The following PRKN variants were observed in gnomAD, a reference collection of about 807,000 sequenced individuals.
The protein encoded by PRKN is parkin RBR E3 ubiquitin protein ligase.
In PRKN, 56 loss-of-function variants were observed where a neutral mutation model predicts 59.5. That is an observed-to-expected ratio of 0.94 (90% CI 0.76 to 1.18). The LOEUF (loss-of-function observed/expected upper bound fraction) is 1.18, where lower values mean the gene tolerates loss of function less well. PRKN is among the 50% of genes most tolerant of loss of function. The pLI, the probability that PRKN is intolerant of heterozygous loss-of-function variation, is 0.00. For synonymous variants in PRKN, 250 were observed against 222.1 expected, an observed-to-expected ratio of 1.13 and a Z score of -1.12; for missense variants, 657 against 596.4, an observed-to-expected ratio of 1.10 and a Z score of -1.06.
intron 9 of PRKN, among the ~76,000 whole-genome samples, chr6:161,534,954 A>C (rs1476394668): frequency 6.6e-6 from 1 of 152,232 alleles, no homozygotes; most frequent in East Asian, 1.9e-4. Flanking sequence ...TAGAAATGTA[A>C]ATCAGAAGCT....
chr6:162,137,810 G>T (rs968161345), intron 4 of PRKN, among the ~76,000 whole-genome samples: 1 of 152,268 alleles, frequency 6.6e-6, no homozygotes, highest in Non-Finnish European at 1.5e-5. Context: ...CCTCTTAAAG[G>T]TCCCATCTCT....
intron 6 of PRKN, among the ~76,000 whole-genome samples, chr6:161,960,148 A>G (rs1393459423): frequency 6.6e-6 from 1 of 152,192 alleles, no homozygotes; most frequent in Non-Finnish European, 1.5e-5. Context: ...TGGTGCCACC[A>G]CACTGGAAAA....
At chr6:161,522,410 C>G (rs1427459779) in intron 9 of PRKN, among the ~76,000 whole-genome samples, 3 of 152,168 alleles carry the variant, frequency 2.0e-5, no homozygotes, top group Non-Finnish European at 4.4e-5. Context: ...CCAACATCAC[C>G]TCTGATGGTT....
At chr6:162,195,132 A>C (rs1311654911) in intron 4 of PRKN, among the ~76,000 whole-genome samples, 4 of 152,234 alleles carry the variant, frequency 2.6e-5, no homozygotes, top group Non-Finnish European at 5.9e-5. Context: ...AACGCGATGC[A>C]AAACAGAATG....
intron 2 of PRKN, among the ~76,000 whole-genome samples, chr6:162,303,311 C>T (rs1039346286): frequency 4.6e-5 from 7 of 152,114 alleles, no homozygotes; most frequent in African/African-American, 1.2e-4. Context: ...TTTTGCCTCA[C>T]CTAAGACAGC....
chr6:162,714,518 T>C (rs1027491224), intron 1 of PRKN, among the ~76,000 whole-genome samples: 5 of 152,294 alleles, frequency 3.3e-5, no homozygotes, highest in Admixed American at 3.3e-4. Flanking sequence ...TTTGGCATTA[T>C]AAATACCCCC....
At position 161,499,764 on chromosome 6, in the gene PRKN, T is replaced by C. The variant is rs919321294; in HGVS notation, c.1083+49090A>G. On this transcript the variant is annotated intron_variant, in intron 9 of 11. Coordinates refer to ENST00000366898, the MANE Select transcript of PRKN (RefSeq NM_004562.3). The surrounding 1 kb of genome is among the most constrained non-coding windows in gnomAD (Gnocchi z 4.2). Reference sequence around the variant, plus strand: ...GCTCTGTGGCTGAGGTCATCATATATTCAGAACCAAGTTCTACGAATGGGT... The same window carrying C: ...GCTCTGTGGCTGAGGTCATCATATACTCAGAACCAAGTTCTACGAATGGGT... Among the ~76,000 whole-genome samples, 2 of 152,118 alleles carry C rather than the reference T, an allele frequency of 1.3e-5. No individual in the cohort carries two copies. Among genetic ancestry groups the C allele is most frequent in the African/African-American group, 4.8e-5 (2 of 41,368 alleles).
intron 9 of PRKN, among the ~76,000 whole-genome samples, chr6:161,496,394 G>C (rs1777749156): frequency 6.6e-6 from 1 of 152,240 alleles, no homozygotes; most frequent in African/African-American, 2.4e-5. Flanking sequence ...TGCTAATAAA[G>C]ACATACTCGA....
intron 6 of PRKN, among the ~76,000 whole-genome samples, chr6:161,892,422 G>T (rs1184357966): frequency 6.8e-6 from 1 of 147,076 alleles, no homozygotes; most frequent in Non-Finnish European, 1.5e-5. Flanking sequence ...AAATAAATAA[G>T]ATTAGTTGGG....
chr6:162,449,285 T>C (rs930479239), intron 1 of PRKN, among the ~76,000 whole-genome samples: 1 of 152,204 alleles, frequency 6.6e-6, no homozygotes, highest in African/African-American at 2.4e-5. Flanking sequence ...ACACCTGTCT[T>C]AGTGCTTTGC....
chr6:162,497,080 T>C (rs1380170024), intron 1 of PRKN, among the ~76,000 whole-genome samples: 4 of 152,248 alleles, frequency 2.6e-5, no homozygotes, highest in African/African-American at 9.6e-5. Context: ...ATTGTATAAA[T>C]TCTGAATCAG....
Position 162,119,611 on chromosome 6 carries a change from C to T in PRKN, c.535-65437G>A, listed in dbSNP as rs903361876. 9.2e-5 allele frequency among the ~76,000 whole-genome samples: 14 copies of T among 152,202 alleles called. No homozygotes were observed. The East Asian group carries it at 2.3e-3, about 25-fold the overall frequency. On this transcript the variant is annotated intron_variant, in intron 4 of 11. Transcript: ENST00000366898. ...AAGTTCCCCAGCAGTGGCGCGCTGT[C>T]CCAGAAGCAGCTGTTTTTTCCCCTC...
At chr6:162,507,935 G>T (rs572222467) in intron 1 of PRKN, among the ~76,000 whole-genome samples, 2 of 152,310 alleles carry the variant, frequency 1.3e-5, no homozygotes, top group South Asian at 4.1e-4. Context: ...CAGAGTCCCA[G>T]GCAGGATGAA....
At chr6:161,757,883 A>C (rs1218743863) in intron 7 of PRKN, among the ~76,000 whole-genome samples, 1 of 33,102 alleles carries the variant, frequency 3.0e-5, no homozygotes, top group African/African-American at 1.1e-4. Context: ...GTGTATATAT[A>C]TATACACACA....
chr6:162,101,411 G>A (rs1290567761), intron 4 of PRKN, among the ~76,000 whole-genome samples: 1 of 151,806 alleles, frequency 6.6e-6, no homozygotes. Context: ...GCTCACGCCT[G>A]TAATCCCAGC....
At chr6:161,570,530 T>A (rs1281038579) in intron 7 of PRKN, among the ~76,000 whole-genome samples, 1 of 151,770 alleles carries the variant, frequency 6.6e-6, no homozygotes, top group African/African-American at 2.4e-5. Context: ...CCACTAGCTG[T>A]GAAGAGAATG....
chr6:162,438,675 T>C (rs980466215), intron 2 of PRKN, among the ~76,000 whole-genome samples: 12 of 152,286 alleles, frequency 7.9e-5, no homozygotes, highest in African/African-American at 2.6e-4. Flanking sequence ...GTTAGCCCTA[T>C]AGGGAAGGTG....
intron 1 of PRKN, among the ~76,000 whole-genome samples, chr6:162,606,522 T>G (rs1405689147): frequency 6.6e-6 from 1 of 152,182 alleles, no homozygotes; most frequent in Non-Finnish European, 1.5e-5. Flanking sequence ...ACTTGTTAAG[T>G]CAAACCATTG....
intron 5 of PRKN, among the ~76,000 whole-genome samples, chr6:162,045,418 C>T (rs548534523): frequency 6.6e-6 from 1 of 152,326 alleles, no homozygotes; most frequent in African/African-American, 2.4e-5. Context: ...TGAGGAAGCT[C>T]AGATGATCCG....
Sources: gnomAD v4.1 joint callset for allele counts (sites outside exome capture counted in the v4.1 genomes callset) on GRCh38, gnomAD v4.1.1 for gene constraint, Gnocchi (gnomAD v3.1) non-coding constraint, MANE v1.5 for transcripts, NCBI Gene and HGNC (gene_info 2026-07-23, HGNC 2026-07-21) for gene names.